The following HHAT variants were observed in gnomAD, a reference collection of about 807,000 sequenced individuals.
HHAT encodes the protein protein-cysteine N-palmitoyltransferase HHAT.
Under a neutral mutation model 70.8 loss-of-function variants are expected in HHAT, and 47 were observed. That is an observed-to-expected ratio of 0.66 (90% confidence interval 0.53 to 0.85). The LOEUF is 0.85. Ranked by LOEUF, HHAT falls within the 40% of genes least tolerant of loss-of-function variation. HHAT has a pLI of 0.00. For synonymous variants in HHAT, 228 were observed against 247.6 expected (o/e 0.92, Z 0.74); for missense variants, 609 against 604.8 (o/e 1.01, Z -0.07).
At chr1:210,547,376 A>G (rs974934824) in intron 9 of HHAT, among the ~76,000 whole-genome samples, 2 of 152,216 alleles carry the variant, frequency 1.3e-5, no homozygotes, top group African/African-American at 4.8e-5. Flanking sequence ...CATAATTTGG[A>G]TAGAACTCGA....
intron 2 of HHAT, among the ~76,000 whole-genome samples, chr1:210,356,739 C>T (rs2087671576): frequency 6.6e-6 from 1 of 152,132 alleles, no homozygotes; most frequent in Admixed American, 6.5e-5. Flanking sequence ...GGGTCATGGG[C>T]TTTGTTAGGA....
At chr1:210,451,801 A>C (rs575471096) in intron 7 of HHAT, among the ~76,000 whole-genome samples, 4 of 152,092 alleles carry the variant, frequency 2.6e-5, no homozygotes, top group Admixed American at 6.5e-5. Context: ...CTGGTCTCCA[A>C]CTCTTGGTCT....
intron 10 of HHAT, among the ~76,000 whole-genome samples, chr1:210,592,615 A>G (rs1256438652): frequency 1.3e-5 from 2 of 152,020 alleles, no homozygotes; most frequent in African/African-American, 4.8e-5. Flanking sequence ...TCTGTAGATT[A>G]CTTTAGGTAA....
intron 10 of HHAT, among the ~76,000 whole-genome samples, chr1:210,593,052 T>C (rs868017303): frequency 2.7e-4 from 41 of 152,072 alleles, no homozygotes; most frequent in Non-Finnish European, 8.8e-5. Flanking sequence ...ACGACAGACA[T>C]GGGTGTGTGA....
At chr1:210,618,570 C>T (rs559269057) in intron 10 of HHAT, among the ~76,000 whole-genome samples, 14 of 152,306 alleles carry the variant, frequency 9.2e-5, no homozygotes, top group African/African-American at 1.7e-4. Flanking sequence ...GCCATTCCTC[C>T]GGCCATCTGC....
chr1:210,657,144 A>G (rs1419423015), intron 11 of HHAT, among the ~76,000 whole-genome samples: 2 of 152,220 alleles, frequency 1.3e-5, no homozygotes, highest in African/African-American at 2.4e-5. Context: ...GACCAAATCT[A>G]TGGCCTCAGG....
chr1:210,470,123 G>T (rs1169089713), intron 8 of HHAT, among the ~76,000 whole-genome samples: 3 of 152,138 alleles, frequency 2.0e-5, no homozygotes, highest in Admixed American at 2.0e-4. Context: ...GGGATTACAG[G>T]CATGAGACAC....
chr1:210,601,051 G>A (rs931469271), intron 10 of HHAT, among the ~76,000 whole-genome samples: 5 of 151,918 alleles, frequency 3.3e-5, no homozygotes, highest in South Asian at 2.1e-4. Flanking sequence ...GAAAACCACC[G>A]AGAATCAGTC....
chr1:210,427,954 G>T lies in HHAT; in HGVS notation c.856+9629G>T, dbSNP rs1209846180. Among the ~76,000 whole-genome samples, 3 of 152,104 alleles carry T rather than the reference G, an allele frequency of 2.0e-5. No homozygotes were observed. The East Asian group carries it at 5.8e-4, about 29-fold the overall frequency. ...TCTCTCTGAAAGTCTCTAAGAACTT[G>T]TTTTATGAATCTGGGTGCTCCTGTG... On this transcript the variant is annotated intron_variant, in intron 7 of 11. Coordinates refer to ENST00000261458, the MANE Select transcript of HHAT (RefSeq NM_018194.6).
chr1:210,664,872 C>T (rs1035175408), intron 11 of HHAT, among the ~76,000 whole-genome samples: 1 of 152,194 alleles, frequency 6.6e-6, no homozygotes, highest in African/African-American at 2.4e-5. Flanking sequence ...CTGATGCACA[C>T]CAGCTGAGTG....
intron 4 of HHAT, among the ~76,000 whole-genome samples, chr1:210,392,010 A>G (rs535987584): frequency 4.3e-4 from 65 of 152,218 alleles, no homozygotes; most frequent in African/African-American, 1.5e-3. Flanking sequence ...CTTGGACTAC[A>G]GGCTGTGACA....
chr1:210,517,533 G>C (rs541772734), intron 9 of HHAT, among the ~76,000 whole-genome samples: 5 of 152,260 alleles, frequency 3.3e-5, no homozygotes, highest in Non-Finnish European at 7.3e-5. Flanking sequence ...ACAGTAGAAT[G>C]GTAGCTACCA....
chr1:210,434,010 T>A (rs1416624740), intron 7 of HHAT, among the ~76,000 whole-genome samples: 1 of 151,934 alleles, frequency 6.6e-6, no homozygotes, highest in African/African-American at 2.4e-5. Flanking sequence ...TAGAGAACAC[T>A]GATATTTGAC....
At chr1:210,412,814 CT>C (rs1300987388) in intron 6 of HHAT, among the ~76,000 whole-genome samples, 4 of 152,234 alleles carry the variant, frequency 2.6e-5, no homozygotes, top group Admixed American at 1.3e-4. Flanking sequence ...GGCCCTGCCT[CT>C]GTGCAGTTCT....
intron 7 of HHAT, among the ~76,000 whole-genome samples, chr1:210,439,343 C>T (rs992393229): frequency 6.6e-6 from 1 of 151,772 alleles, no homozygotes; most frequent in Non-Finnish European, 1.5e-5. Context: ...TTATTACTTC[C>T]TCTCTTGACT....
chr1:210,580,156 G>A (rs1658907248), intron 9 of HHAT, among the ~76,000 whole-genome samples: 1 of 152,084 alleles, frequency 6.6e-6, no homozygotes, highest in African/African-American at 2.4e-5. Flanking sequence ...GCATCTTTTA[G>A]TAAAGGAGCT....
chr1:210,342,973 G>A (rs1258492690), intron 1 of HHAT, among the ~76,000 whole-genome samples: 1 of 152,124 alleles, frequency 6.6e-6, no homozygotes, highest in Admixed American at 6.6e-5. Context: ...TAAGATAAGT[G>A]GGCGAGTGTT....
At chr1:210,606,593 T>G (rs898268041) in intron 10 of HHAT, among the ~76,000 whole-genome samples, 4 of 152,210 alleles carry the variant, frequency 2.6e-5, no homozygotes, top group African/African-American at 9.7e-5. Flanking sequence ...GTTTAGCTGT[T>G]GCACTGATGC....
At chr1:210,494,170 A>T (rs1449831997) in intron 8 of HHAT, among the ~76,000 whole-genome samples, 1 of 152,188 alleles carries the variant, frequency 6.6e-6, no homozygotes, top group East Asian at 1.9e-4. Context: ...TGTAGTCCAT[A>T]GTAAAGACTT....
Sources: allele counts gnomAD v4.1 joint callset (sites outside exome capture counted in the v4.1 genomes callset), GRCh38; gene constraint gnomAD v4.1.1; transcripts MANE v1.5; gene names NCBI Gene and HGNC (gene_info 2026-07-23, HGNC 2026-07-21).